Variants in PRORP observed in about 807,000 individuals in gnomAD.
The protein encoded by PRORP is protein only RNase P catalytic subunit.
PRORP carries 51 observed loss-of-function variants against 59.4 expected under a neutral mutation model. The observed-to-expected ratio is 0.86, with a 90% CI of 0.69 to 1.08. PRORP has a LOEUF of 1.08. Ranked by LOEUF, PRORP falls within the 50% of genes least tolerant of loss-of-function variation. The pLI, the probability that PRORP is intolerant of heterozygous loss-of-function variation, is 0.00. For missense variants in PRORP, 646 were observed against 690.3 expected (o/e 0.94, Z 0.72); for synonymous variants, 231 against 245.6 (o/e 0.94, Z 0.55).
intron 5 of PRORP, among the ~76,000 whole-genome samples, chr14:35,183,360 G>A (rs1319206630): frequency 2.0e-5 from 3 of 151,836 alleles, no homozygotes; most frequent in Non-Finnish European, 2.9e-5. Context: ...TTTACCATGA[G>A]TATATATTAC....
At position 35,261,430 on chromosome 14, in the gene PRORP, T is replaced by A. The variant is rs539873182; in HGVS notation, c.1276-5297T>A. 2.6e-5 allele frequency among the ~76,000 whole-genome samples: 4 copies of A among 152,248 alleles called. No homozygotes were observed. The East Asian group carries it at 7.7e-4, about 29-fold the overall frequency. On this transcript the variant is annotated intron_variant, in intron 5 of 7. Coordinates refer to ENST00000534898, the MANE Select transcript of PRORP (RefSeq NM_014672.4). Reference sequence around the variant, plus strand: ...TCTTAAGTTGAATTTTCTGTCTTTTTAAAAAAATTATTCCAAGTAGCCAGG... The same window carrying A: ...TCTTAAGTTGAATTTTCTGTCTTTTAAAAAAAATTATTCCAAGTAGCCAGG...
intron 5 of PRORP, among the ~76,000 whole-genome samples, chr14:35,182,056 G>A: frequency 6.6e-6 from 1 of 151,760 alleles, no homozygotes; most frequent in East Asian, 1.9e-4. Flanking sequence ...CTGAGGTCAG[G>A]AGTTCGAGAC....
chr14:35,187,719 C>T lies in PRORP; in HGVS notation c.1275+6942C>T, dbSNP rs571905711. On this transcript the variant is annotated intron_variant, in intron 5 of 7. Transcript: ENST00000534898. The stretch of plus-strand genomic sequence containing the variant: ...TGCTGGGATTACAGGCGTGAGCCAC[C>T]GCACCTGGCCCAGTATCTTGTAGTT... Among the ~76,000 whole-genome samples the T allele has an allele frequency of 8.5e-5, 13 of 152,088 alleles. No individual in the cohort carries two copies. The East Asian group carries it at 1.3e-3, about 16-fold the overall frequency.
chr14:35,208,790 G>A (rs189304308), intron 5 of PRORP, among the ~76,000 whole-genome samples: 1 of 152,300 alleles, frequency 6.6e-6, no homozygotes, highest in African/African-American at 2.4e-5. Flanking sequence ...TGGATCACCT[G>A]AGGTCAGGAG....
chr14:35,138,852 G>A (rs1204748009), intron 4 of PRORP, among the ~76,000 whole-genome samples: 15 of 144,136 alleles, frequency 1.0e-4, no homozygotes. Context: ...GTACAGTGGT[G>A]CCATCTGGGC....
At chr14:35,126,513 G>T (rs771622863) in intron 2 of PRORP, among the ~76,000 whole-genome samples, 37 of 152,152 alleles carry the variant, frequency 2.4e-4, no homozygotes, top group Admixed American at 1.6e-3. Flanking sequence ...AGAGTTATTT[G>T]TTGGGAGGAG....
intron 5 of PRORP, among the ~76,000 whole-genome samples, chr14:35,244,074 C>T (rs1313930017): frequency 2.0e-5 from 3 of 152,208 alleles, no homozygotes; most frequent in Admixed American, 6.5e-5. Context: ...TCTAATTCCT[C>T]ACATCAATCC....
Position 35,182,133 on chromosome 14 carries a change from G to C in PRORP, c.1275+1356G>C, listed in dbSNP as rs372367450. 3.2e-4 allele frequency among the ~76,000 whole-genome samples: 49 copies of C among 151,204 alleles called. No homozygotes were observed. In the East Asian group the frequency reaches 8.9e-3, roughly 27 times the overall value. ...ACAAAAAAATTAGCCGGGCATGATG[G>C]CGCACACCTGTAGTCCCAGCTACTT... On this transcript the variant is annotated intron_variant, in intron 5 of 7. Transcript: ENST00000534898.
chr14:35,225,637 G>A (rs1006757707), intron 5 of PRORP, among the ~76,000 whole-genome samples: 2 of 150,676 alleles, frequency 1.3e-5, no homozygotes, highest in Admixed American at 6.6e-5. Context: ...ATGAGCCACC[G>A]CGCCTGGCCC....
At chr14:35,263,773 A>G (rs1269343118) in intron 5 of PRORP, among the ~76,000 whole-genome samples, 1 of 152,340 alleles carries the variant, frequency 6.6e-6, no homozygotes, top group Non-Finnish European at 1.5e-5. Context: ...GATACCTACC[A>G]TGTGCCTTAC....
intron 4 of PRORP, among the ~76,000 whole-genome samples, chr14:35,133,568 G>C (rs2047302615): frequency 6.6e-6 from 1 of 152,158 alleles, no homozygotes; most frequent in East Asian, 1.9e-4. Flanking sequence ...TTGATACCAT[G>C]TCTGGGCATT....
intron 5 of PRORP, among the ~76,000 whole-genome samples, chr14:35,191,851 G>A (rs2048891911): frequency 6.6e-6 from 1 of 150,718 alleles, no homozygotes; most frequent in African/African-American, 2.5e-5. Flanking sequence ...ATATCCAGTA[G>A]ACTGACAAGT....
chr14:35,190,777 A>G (rs999491985), intron 5 of PRORP, among the ~76,000 whole-genome samples: 9 of 152,146 alleles, frequency 5.9e-5, no homozygotes, highest in African/African-American at 1.7e-4. Context: ...TGCTGGGATT[A>G]CAGGCATGAG....
chr14:35,161,960 A>G (rs2048071329), intron 4 of PRORP, among the ~76,000 whole-genome samples: 1 of 151,998 alleles, frequency 6.6e-6, no homozygotes. Flanking sequence ...TTTTAGGGAA[A>G]CTTTTTCAGT....
chr14:35,261,724 G>A lies in PRORP; in HGVS notation c.1276-5003G>A, dbSNP rs539547028. ...AGCCTGGGTAACAGAGCGAGACTCT[G>A]TCTCAAAAAAAAAACAAACAAACTA... On this transcript the variant is annotated intron_variant, in intron 5 of 7. Coordinates refer to ENST00000534898, the MANE Select transcript of PRORP (RefSeq NM_014672.4). Among the ~76,000 whole-genome samples the A allele has an allele frequency of 8.4e-4, 128 of 151,640 alleles. 1 individual carries two copies. The highest frequency in any genetic ancestry group is 1.9e-3 in the South Asian group (9 of 4,798).
intron 4 of PRORP, among the ~76,000 whole-genome samples, chr14:35,150,043 G>A (rs759829451): frequency 6.6e-6 from 1 of 152,082 alleles, no homozygotes; most frequent in Non-Finnish European, 1.5e-5. Flanking sequence ...ATGGGGTGTC[G>A]CCATGTTTCC....
intron 5 of PRORP, among the ~76,000 whole-genome samples, chr14:35,180,998 TAAAA>T (rs1189174323): frequency 1.3e-5 from 2 of 152,154 alleles, no homozygotes; most frequent in African/African-American, 4.8e-5. Context: ...AGTGAGGAAT[TAAAA>T]GAAAGATTGC....
intron 4 of PRORP, among the ~76,000 whole-genome samples, chr14:35,174,482 T>C (rs1397308157): frequency 6.6e-6 from 1 of 152,204 alleles, no homozygotes; most frequent in Non-Finnish European, 1.5e-5. Flanking sequence ...TGTTCTGTTT[T>C]GTTTTGTTTG....
intron 5 of PRORP, among the ~76,000 whole-genome samples, chr14:35,226,051 A>G (rs894021720): frequency 6.6e-6 from 1 of 152,178 alleles, no homozygotes; most frequent in East Asian, 1.9e-4. Flanking sequence ...TTAAGTATGT[A>G]TATTTTACTA....
Sources: gnomAD v4.1 joint callset for allele counts (sites outside exome capture counted in the v4.1 genomes callset) on GRCh38, gnomAD v4.1.1 for gene constraint, MANE v1.5 for transcripts, NCBI Gene and HGNC (gene_info 2026-07-23, HGNC 2026-07-21) for gene names.